The following PTPRT variants were observed in gnomAD, a reference collection of about 807,000 sequenced individuals.
The protein encoded by PTPRT is protein tyrosine phosphatase receptor type T, also known as receptor-type tyrosine-protein phosphatase T.
Under a neutral mutation model 176.8 loss-of-function variants are expected in PTPRT, and 56 were observed. That is an observed-to-expected ratio of 0.32 (90% CI 0.26 to 0.40). The LOEUF is 0.40. PTPRT is among the 10% of genes least tolerant of loss of function. The pLI, the probability that PTPRT is intolerant of heterozygous loss-of-function variation, is 1.00. For missense variants in PTPRT, 1,540 were observed against 1,908.2 expected (o/e 0.81, Z 3.60); for synonymous variants, 783 against 739.0 (o/e 1.06, Z -0.96).
At chr20:42,269,399 G>A (rs16986727) in intron 13 of PTPRT, among the ~76,000 whole-genome samples, 2,142 of 152,266 alleles carry the variant, frequency 0.014, 44 homozygotes, top group African/African-American at 0.05. Flanking sequence ...TTAGTAGACC[G>A]GAGGCCATTG....
intron 15 of PTPRT, among the ~76,000 whole-genome samples, chr20:42,217,642 T>C (rs1047668662): frequency 1.4e-4 from 21 of 152,218 alleles, no homozygotes; most frequent in African/African-American, 4.6e-4. Context: ...GCCAGATAAT[T>C]ATTTGCTACG....
intron 1 of PTPRT, among the ~76,000 whole-genome samples, chr20:42,949,890 ACC>A (rs1411289703): frequency 2.6e-5 from 4 of 152,204 alleles, no homozygotes; most frequent in Non-Finnish European, 5.9e-5. Context: ...TTTCTCCCTT[ACC>A]ATACCTTGTA....
At chr20:42,200,446 A>G (rs989272451) in intron 15 of PTPRT, among the ~76,000 whole-genome samples, 11 of 152,240 alleles carry the variant, frequency 7.2e-5, no homozygotes, top group African/African-American at 9.6e-5. Flanking sequence ...AGTGGATCCA[A>G]CTATATTCTA....
rs558501454 is a variant in PTPRT at position 42,413,976 on chromosome 20, G to A, written c.1560+34244C>T. Among the ~76,000 whole-genome samples, 3 of 152,148 alleles carry A rather than the reference G, an allele frequency of 2.0e-5. No individual in the cohort carries two copies. In the East Asian group the frequency reaches 5.8e-4, roughly 29 times the overall value. On this transcript the variant is annotated intron_variant, in intron 9 of 30. Coordinates refer to ENST00000373187, the MANE Select transcript of PTPRT (RefSeq NM_007050.6). ...AGCGGTTCTCTTGCCTCATCCTCCC[G>A]AGGAGCCACCATGCCCGGCTAATTT... is the stretch of plus-strand genomic sequence containing the variant.
chr20:42,969,436 C>T (rs925814088), intron 1 of PTPRT: 2 of 152,162 alleles, frequency 1.3e-5, no homozygotes, highest in African/African-American at 2.4e-5. Context: ...ACCGGTCTCT[C>T]GGCCAGCTAT....
chr20:42,155,082 C>T (rs10084509), intron 17 of PTPRT, among the ~76,000 whole-genome samples: 21,034 of 152,084 alleles, frequency 0.14, 3,759 homozygotes, highest in African/African-American at 0.42. Context: ...TCACATCAAC[C>T]GGAGGGCTTA....
chr20:42,430,833 A>C (rs970833920), intron 9 of PTPRT, among the ~76,000 whole-genome samples: 1 of 152,196 alleles, frequency 6.6e-6, no homozygotes, highest in East Asian at 1.9e-4. Context: ...AGTATCATGA[A>C]AGCTGACATA....
chr20:42,910,543 C>T lies in PTPRT; in HGVS notation c.89-24611G>A, dbSNP rs916105987. 2.0e-5 allele frequency among the ~76,000 whole-genome samples: 3 copies of T among 152,280 alleles called. No homozygotes were observed. In the South Asian group the frequency reaches 6.2e-4, roughly 32 times the overall value. ...AAAGGAAATTCATTCCACTGGACTTCCCCCAAGTAATCGACAGCTGGCTAT... is the reference window on the plus strand; with the variant it reads ...AAAGGAAATTCATTCCACTGGACTTTCCCCAAGTAATCGACAGCTGGCTAT... On this transcript the variant is annotated intron_variant, in intron 1 of 30. Coordinates refer to ENST00000373187, the MANE Select transcript of PTPRT (RefSeq NM_007050.6).
intron 27 of PTPRT, among the ~76,000 whole-genome samples, chr20:42,097,526 A>C (rs1044811136): frequency 5.3e-5 from 8 of 152,186 alleles, no homozygotes; most frequent in African/African-American, 1.7e-4. Flanking sequence ...GCTCCTGGCC[A>C]ACACAGCACT....
chr20:42,981,978 A>T (rs1459653211), intron 1 of PTPRT, among the ~76,000 whole-genome samples: 5 of 152,148 alleles, frequency 3.3e-5, no homozygotes. Context: ...CAGAGGCCAC[A>T]ACTAGACCGA....
chr20:43,182,838 A>C (rs550363400), intron 1 of PTPRT, among the ~76,000 whole-genome samples: 11 of 152,130 alleles, frequency 7.2e-5, no homozygotes, highest in East Asian at 1.9e-4. Context: ...AAGGCGCAAA[A>C]AAAACAAAAC....
At chr20:42,899,120 G>A (rs2079355426) in intron 1 of PTPRT, among the ~76,000 whole-genome samples, 1 of 152,000 alleles carries the variant, frequency 6.6e-6, no homozygotes, top group Non-Finnish European at 1.5e-5. Flanking sequence ...AGGCTACAAA[G>A]AAAGGGGGCC....
intron 9 of PTPRT, among the ~76,000 whole-genome samples, chr20:42,365,222 T>C (rs1337101150): frequency 6.6e-6 from 1 of 152,250 alleles, no homozygotes; most frequent in East Asian, 1.9e-4. Context: ...TGAACATTTC[T>C]ATTCCGGCTA....
chr20:42,538,102 G>A (rs1470035933), intron 7 of PTPRT, among the ~76,000 whole-genome samples: 2 of 151,888 alleles, frequency 1.3e-5, no homozygotes, highest in East Asian at 3.9e-4. Context: ...TCTTACAGAT[G>A]TGGAAAGGTG....
intron 13 of PTPRT, 88 bp from the exon 14 acceptor site, chr20:42,248,910 T>C: frequency 1.3e-6 from 2 of 1,497,100 alleles, no homozygotes; most frequent in Middle Eastern, 1.7e-4. Flanking sequence ...CTTCCTTTAG[T>C]TGAGTGCTAA....
intron 5 of PTPRT, among the ~76,000 whole-genome samples, chr20:42,763,006 T>A (rs1455663330): frequency 1.3e-5 from 2 of 152,224 alleles, no homozygotes; most frequent in African/African-American, 4.8e-5. Context: ...GGAGCTGTAA[T>A]AGCTACACTT....
At chr20:42,668,858 ATT>A (rs755121515) in intron 7 of PTPRT, among the ~76,000 whole-genome samples, 4,760 of 81,314 alleles carry the variant, frequency 0.059, 212 homozygotes, top group African/African-American at 0.2. Context: ...CGCCCAGCTA[ATT>A]TTTTTTTTTT....
rs56739764 is a variant in PTPRT, at chr20:43,001,485, A to C, written c.89-115553T>G. ...AGGTGGATACTCATAACAACAACAAAAAAAAAACAGATTTAAAGGTAAAGA... is the reference window on the plus strand; with the variant it reads ...AGGTGGATACTCATAACAACAACAACAAAAAAACAGATTTAAAGGTAAAGA... On this transcript the variant is annotated intron_variant, in intron 1 of 30. Transcript: ENST00000373187. Among the ~76,000 whole-genome samples the C allele has an allele frequency of 4.7e-3, 560 of 119,586 alleles. 6 individuals carry two copies. The highest frequency in any genetic ancestry group is 0.018 in the Middle Eastern group (4 of 218). 78.5% of individuals were successfully genotyped at this position (119,586 alleles called of 152,430 possible).
At chr20:42,634,971 A>T (rs13039147) in intron 7 of PTPRT, among the ~76,000 whole-genome samples, 15,776 of 152,136 alleles carry the variant, frequency 0.1, 1,033 homozygotes, top group Middle Eastern at 0.16. Context: ...CTCAGCCCCA[A>T]GCACAGTGCC....
Sources: gnomAD v4.1 joint callset for allele counts (sites outside exome capture counted in the v4.1 genomes callset) on GRCh38, gnomAD v4.1.1 for gene constraint, MANE v1.5 for transcripts, NCBI Gene and HGNC (gene_info 2026-07-23, HGNC 2026-07-21) for gene names.